Variants in LRRC74A observed in about 807,000 individuals in gnomAD.
LRRC74A encodes the protein leucine rich repeat containing 74A.
Under a neutral mutation model 57.9 loss-of-function variants are expected in LRRC74A, and 44 were observed. The observed-to-expected ratio is 0.76, with a 90% CI of 0.60 to 0.98. The LOEUF (loss-of-function observed/expected upper bound fraction) is 0.98, where lower values mean the gene tolerates loss of function less well. Among genes scored for constraint, LRRC74A ranks in the 50% least tolerant of loss-of-function variants. The pLI, the probability that LRRC74A is intolerant of heterozygous loss-of-function variation, is 0.00. For missense variants in LRRC74A, 572 were observed against 574.0 expected (o/e 1.00, Z 0.04); for synonymous variants, 211 against 219.4 (o/e 0.96, Z 0.34).
Position 76,838,848 on chromosome 14 carries a change from G to A in LRRC74A, c.544+877G>A, listed in dbSNP as rs148894759. On this transcript the variant is annotated intron_variant, in intron 5 of 13. Coordinates refer to ENST00000689127, the MANE Select transcript of LRRC74A (RefSeq NM_001385106.1). The stretch of plus-strand genomic sequence containing the variant: ...ACTCCTGGGCTCAAGCAATCCTCCC[G>A]CCTCAGCCTCCCAAAGTGGTGGGAT... 3.0e-4 allele frequency among the ~76,000 whole-genome samples: 46 copies of A among 152,246 alleles called. No homozygotes were observed. In the East Asian group the frequency reaches 6.8e-3, roughly 22 times the overall value.
At position 76,853,304 on chromosome 14, in the gene LRRC74A, A is replaced by G. The variant is rs1897639819; in HGVS notation, c.851A>G (p.Asn284Ser). ...GCCCTAGGGGAAGTCCTCCGACTCA[A>G]CCGCTGCCTGGTCTACCTGGATATC... The part of the protein sequence containing the change: ...ALALGEVLRL[N>S]RCLVYLDIGG... Residue 284 changes from asparagine to serine, a missense_variant, in exon 9 of 14, where the codon AAC (asparagine) becomes AGC (serine). By Grantham distance (46) the Asn-to-Ser change is conservative (BLOSUM62 1). Transcript: ENST00000689127. The G allele has an allele frequency of 3.7e-6, 6 of 1,613,222 alleles. No homozygotes were observed. Among genetic ancestry groups the G allele is most frequent in the Admixed American group, 1.7e-5 (1 of 59,894 alleles).
In LRRC74A at chr14:76,826,585, T is replaced by G. The variant is rs1595331234; in HGVS notation, c.-113T>G. ...CAGGCTCCCCTGGGATGCCCCCAGG[T>G]GAGGGAAGTTCACAGAGTTTGAGAC... On this transcript the variant is annotated 5_prime_UTR_variant, in exon 1 of 14. Coordinates refer to ENST00000689127, the MANE Select transcript of LRRC74A (RefSeq NM_001385106.1). 1 of 1,612,544 alleles carries G rather than the reference T, an allele frequency of 6.2e-7. No homozygotes were observed. The highest frequency in any genetic ancestry group is 8.5e-7 in the Non-Finnish European group (1 of 1,179,296).
intron 13 of LRRC74A, among the ~76,000 whole-genome samples, chr14:76,869,519 G>A (rs1255005725): frequency 1.3e-5 from 2 of 152,136 alleles, no homozygotes; most frequent in African/African-American, 4.8e-5. Context: ...TTGGGAGGCC[G>A]AGGCTGGTGG....
In LRRC74A at chr14:76,844,099, A is replaced by G. The variant is rs535822301; in HGVS notation, c.545-324A>G. Among the ~76,000 whole-genome samples the G allele has an allele frequency of 1.7e-4, 26 of 152,256 alleles. No homozygotes were observed. In the South Asian group the frequency reaches 2.9e-3, roughly 17 times the overall value. ...CTGCAGCCTCGACCTCCTGGGTTCAAGTGATCCTCCCACCTCAGCCTCCAA... is the reference window on the plus strand; with the variant it reads ...CTGCAGCCTCGACCTCCTGGGTTCAGGTGATCCTCCCACCTCAGCCTCCAA... On this transcript the variant is annotated intron_variant, in intron 5 of 13. Coordinates refer to ENST00000689127, the MANE Select transcript of LRRC74A (RefSeq NM_001385106.1).
intron 13 of LRRC74A, among the ~76,000 whole-genome samples, chr14:76,868,502 C>T (rs1470716932): frequency 1.3e-5 from 2 of 152,194 alleles, no homozygotes; most frequent in Non-Finnish European, 2.9e-5. Flanking sequence ...CAGCCAAATT[C>T]TCGCAGCTGG....
At chr14:76,845,111 C>T (rs964055750) in intron 7 of LRRC74A, among the ~76,000 whole-genome samples, 4 of 152,176 alleles carry the variant, frequency 2.6e-5, no homozygotes, top group Non-Finnish European at 2.9e-5. Flanking sequence ...ATTGCTTGAG[C>T]CCAGGAGTTC....
At chr14:76,856,967 T>TTGGATGGATGGA (rs150995860) in intron 9 of LRRC74A, among the ~76,000 whole-genome samples, 6 of 123,912 alleles carry the variant, frequency 4.8e-5, no homozygotes, top group Non-Finnish European at 6.9e-5. Flanking sequence ...AAGTTGGTGG[T>TTGGATGGATGGA]TGGATGGATG....
rs1042951885 is a variant in LRRC74A, at chr14:76,829,041, C to T, written c.166+622C>T. The T allele has an allele frequency of 2.3e-6, 3 of 1,289,380 alleles. No homozygotes were observed. The Admixed American group carries it at 6.9e-5, about 30-fold the overall frequency. The allele number at this position is 1,289,380 out of a possible 1,614,324, so 79.9% of individuals were successfully genotyped here. Reference sequence around the variant, plus strand: ...GGTATCGGGACTGGCTGAGCTGAAACAAAGACTCTGTTAATGCAAATAACA... The same window carrying T: ...GGTATCGGGACTGGCTGAGCTGAAATAAAGACTCTGTTAATGCAAATAACA... On this transcript the variant is annotated intron_variant, in intron 2 of 13. Transcript: ENST00000689127.
chr14:76,852,565 T>C (rs552495559), intron 8 of LRRC74A, 115 bp downstream of exon 8: 2 of 649,540 alleles, frequency 3.1e-6, no homozygotes, highest in Admixed American at 3.3e-5. Flanking sequence ...CATACTGGGC[T>C]CTCATCAAAT....
At position 76,857,430 on chromosome 14, in the gene LRRC74A, T is replaced by C; in HGVS notation, c.1008T>C (p.Ala336=). 2 of 1,588,486 alleles carry C rather than the reference T, an allele frequency of 1.3e-6. No individual in the cohort carries two copies. The highest frequency in any genetic ancestry group is 2.3e-5 in the East Asian group (1 of 44,292). The change falls in exon 10 of 14, where the codon GCT becomes GCC. Residue 336 remains alanine (A), a synonymous_variant. Coordinates refer to ENST00000689127, the MANE Select transcript of LRRC74A (RefSeq NM_001385106.1). ...NMDGAILLIL[A]IKRNPKSRME... Reference sequence around the variant, plus strand: ...ATGGGGCTATTTTACTTATCCTGGCTATCAAGAGGAACCCCAAATCCAGGA... The same window carrying C: ...ATGGGGCTATTTTACTTATCCTGGCCATCAAGAGGAACCCCAAATCCAGGA...
At chr14:76,845,507 G>A (rs1014204826) in intron 7 of LRRC74A, among the ~76,000 whole-genome samples, 3 of 152,188 alleles carry the variant, frequency 2.0e-5, no homozygotes, top group African/African-American at 7.2e-5. Context: ...AAGCATAAAC[G>A]GTCCAAAAGC....
At chr14:76,839,249 C>T (rs886920189) in intron 5 of LRRC74A, among the ~76,000 whole-genome samples, 4 of 152,214 alleles carry the variant, frequency 2.6e-5, no homozygotes, top group African/African-American at 4.8e-5. Flanking sequence ...TTTTTGTGAA[C>T]TTAACAACTG....
Position 76,852,424 on chromosome 14 carries a change from G to A in LRRC74A, c.736G>A (p.Ala246Thr). ...LSWNNFHTRG[A>T]VALCNGLRGN... The stretch of plus-strand genomic sequence containing the variant: ...CTGGAATAACTTCCACACAAGGGGA[G>A]CTGTGGCCTTGTGCAATGGTCTCCG... The change falls in exon 8 of 14, where the codon GCT becomes ACT. Residue 246 changes from alanine (A) to threonine (T), a missense_variant. Coordinates refer to ENST00000689127, the MANE Select transcript of LRRC74A (RefSeq NM_001385106.1). The A allele has an allele frequency of 1.2e-6, 2 of 1,610,978 alleles. No individual in the cohort carries two copies. The highest frequency in any genetic ancestry group is 1.7e-6 in the Non-Finnish European group (2 of 1,178,096).
At chr14:76,865,412 AT>A (rs1429574159) in intron 11 of LRRC74A, among the ~76,000 whole-genome samples, 2 of 152,216 alleles carry the variant, frequency 1.3e-5, no homozygotes, top group Non-Finnish European at 2.9e-5. Context: ...AATGAAAAAA[AT>A]GAAATATCCT....
intron 7 of LRRC74A, among the ~76,000 whole-genome samples, chr14:76,845,720 C>A (rs1254529368): frequency 6.6e-6 from 1 of 152,184 alleles, no homozygotes; most frequent in African/African-American, 2.4e-5. Context: ...CCATGAACAA[C>A]CTTAAAAGAC....
chr14:76,844,331 C>A, intron 5 of LRRC74A, 92 bp from the exon 6 acceptor site: 1 of 1,207,580 alleles, frequency 8.3e-7, no homozygotes, highest in Non-Finnish European at 1.2e-6. Flanking sequence ...TTCGATTGTT[C>A]TAAAGGGAAG....
chr14:76,850,861 A>AAAAAAAAAAAAAG (rs773711469), intron 7 of LRRC74A, among the ~76,000 whole-genome samples: 21 of 96,514 alleles, frequency 2.2e-4, no homozygotes, highest in East Asian at 5.7e-4. Flanking sequence ...AAAAAAAAAA[A>AAAAAAAAAAAAAG]AAAGAAAGAA....
At position 76,838,835 on chromosome 14, in the gene LRRC74A, A is replaced by G. The variant is rs138637211; in HGVS notation, c.544+864A>G. ...AGGCTAGTCTCAAACTCCTGGGCTCAAGCAATCCTCCCGCCTCAGCCTCCC... is the reference window on the plus strand; with the variant it reads ...AGGCTAGTCTCAAACTCCTGGGCTCGAGCAATCCTCCCGCCTCAGCCTCCC... On this transcript the variant is annotated intron_variant, in intron 5 of 13. Coordinates refer to ENST00000689127, the MANE Select transcript of LRRC74A (RefSeq NM_001385106.1). Among the ~76,000 whole-genome samples the G allele has an allele frequency of 9.3e-3, 1,420 of 152,332 alleles. 84 individuals are homozygous for G. Among genetic ancestry groups the G allele is most frequent in the Admixed American group, 0.085 (1,296 of 15,290 alleles).
intron 1 of LRRC74A, 48 bp from the exon 2 acceptor site, chr14:76,828,243 C>A: frequency 6.5e-7 from 1 of 1,546,586 alleles, no homozygotes; most frequent in South Asian, 1.2e-5. Flanking sequence ...TATTGGGAGG[C>A]CAGCAAGTTT....
Sources: allele counts gnomAD v4.1 joint callset (sites outside exome capture counted in the v4.1 genomes callset), GRCh38; gene constraint gnomAD v4.1.1; transcripts MANE v1.5; gene names NCBI Gene and HGNC (gene_info 2026-07-23, HGNC 2026-07-21).